The following SLC19A1 variants were observed in gnomAD, a reference collection of about 807,000 sequenced individuals.
SLC19A1 encodes reduced folate transporter.
In SLC19A1, 37 loss-of-function variants were observed where a neutral mutation model predicts 35.3. That is an observed-to-expected ratio of 1.05 (90% confidence interval 0.81 to 1.38). SLC19A1 has a LOEUF of 1.38. Among genes scored for constraint, SLC19A1 ranks in the 40% most tolerant of loss-of-function variants. SLC19A1 has a pLI of 0.00. For missense variants in SLC19A1, 831 were observed against 826.9 expected, an observed-to-expected ratio of 1.00 and a Z score of -0.06; for synonymous variants, 460 against 398.5, an observed-to-expected ratio of 1.15 and a Z score of -1.84.
At chr21:45,505,406 CT>C (rs1568943114) in intron 3 of SLC19A1, 1 of 1,576,472 alleles carries the variant, frequency 6.3e-7, no homozygotes, top group Admixed American at 1.7e-5. Context: ...CCTGGGCCCC[CT>C]GGAACCATGG....
intron 1 of SLC19A1, among the ~76,000 whole-genome samples, chr21:45,553,438 G>T (rs934828363): frequency 2.6e-5 from 4 of 151,960 alleles, no homozygotes; most frequent in Non-Finnish European, 5.9e-5. Flanking sequence ...AGGCCTTGCT[G>T]TTATTATTTT....
At chr21:45,529,251 C>A (rs1172721607) in intron 4 of SLC19A1, among the ~76,000 whole-genome samples, 1 of 152,188 alleles carries the variant, frequency 6.6e-6, no homozygotes, top group African/African-American at 2.4e-5. Context: ...TGGGGAAGTA[C>A]AGGGCCGGGC....
intron 3 of SLC19A1, chr21:45,506,194 G>A (rs989016278): frequency 2.9e-5 from 17 of 586,120 alleles, no homozygotes; most frequent in African/African-American, 1.3e-4. Flanking sequence ...AACACATGGC[G>A]TGTGAGGGGC....
Position 45,512,748 on chromosome 21 carries a change from C to G in SLC19A1, c.*2910G>C, listed in dbSNP as rs1372758141. The G allele has an allele frequency of 2.6e-6, 1 of 382,508 alleles. No homozygotes were observed. Among genetic ancestry groups the G allele is most frequent in the Non-Finnish European group, 4.9e-6 (1 of 202,258 alleles). The allele number at this position is 382,508 out of a possible 1,614,324, so 23.7% of individuals were successfully genotyped here. The stretch of plus-strand genomic sequence containing the variant: ...TTCCTGCTTTGGGAAGCCGTGCTCG[C>G]CCCAGCAGGTGCTGACTTCATCTCC... On this transcript the variant is annotated 3_prime_UTR_variant, in exon 6 of 6. Coordinates refer to ENST00000311124, the MANE Select transcript of SLC19A1 (RefSeq NM_194255.4).
chr21:45,560,480 C>T (rs149860864), intron 1 of SLC19A1, among the ~76,000 whole-genome samples: 24 of 150,044 alleles, frequency 1.6e-4, no homozygotes, highest in Admixed American at 8.1e-4. Context: ...TAATCCACCA[C>T]GCAGCAGGGA....
At position 45,531,428 on chromosome 21, in the gene SLC19A1, C is replaced by T; in HGVS notation, c.910G>A (p.Val304Ile). The T allele has an allele frequency of 6.2e-7, 1 of 1,608,106 alleles. No homozygotes were observed. The highest frequency in any genetic ancestry group is 1.7e-5 in the Admixed American group (1 of 59,648). The change falls in exon 3 of 6, where the codon GTC becomes ATC. Residue 304 changes from valine (V) to isoleucine (I), a missense_variant. By Grantham distance (29) the Val-to-Ile change is conservative. Transcript: ENST00000311124. The part of the protein sequence containing the change: ...EVDPTTNSAR[V>I]YNGAADAAST... The stretch of plus-strand genomic sequence containing the variant: ...GCAGCATCTGCCGCGCCGTTGTAGA[C>T]CCGCGCACTGTTGGTGGTGGGGTCC...
chr21:45,512,524 C>T (rs571271547), downstream of SLC19A1: 449 of 818,424 alleles, frequency 5.5e-4, 1 homozygote, highest in South Asian at 3.4e-3. Flanking sequence ...GTATAGTTCA[C>T]GTTTCATGTA....
At chr21:45,562,561 T>G (rs1384095342) in intron 1 of SLC19A1, among the ~76,000 whole-genome samples, 1 of 152,144 alleles carries the variant, frequency 6.6e-6, no homozygotes, top group Non-Finnish European at 1.5e-5. Flanking sequence ...ACAAACGGGT[T>G]GAGACCTAGA....
chr21:45,525,825 G>A lies in SLC19A1; in HGVS notation c.1285C>T (p.Arg429Cys), dbSNP rs770678515. The stretch of plus-strand genomic sequence containing the variant: ...GCCTGAAATGGGCTCACCTGCTTGC[G>A]GACCGGGAGGCCCAGGCCCCGCACG... ...SDVRGLGLPVRKQFQLYSVYF... is the reference protein window; with the variant it reads ...SDVRGLGLPVCKQFQLYSVYF... Residue 429 changes from arginine (R) to cysteine (C), a missense_variant, in exon 5 of 6, where the codon CGC becomes TGC. By Grantham distance (180) the Arg-to-Cys change is radical. Transcript: ENST00000311124. 1.7e-5 allele frequency: 27 copies of A among 1,613,030 alleles called. No homozygotes were observed. Among genetic ancestry groups the A allele is most frequent in the African/African-American group, 5.3e-5 (4 of 74,926 alleles).
downstream of SLC19A1, among the ~76,000 whole-genome samples, chr21:45,508,063 G>A (rs1473709185): frequency 6.6e-6 from 1 of 151,610 alleles, no homozygotes; most frequent in Non-Finnish European, 1.5e-5. Context: ...GGAGGTGGAT[G>A]GATGAGTAGA....
In SLC19A1 at chr21:45,514,663, T is replaced by C; in HGVS notation, c.*995A>G. ...CTCTCCTGGCCTCCTCACTGACTGC[T>C]GACCCTCAACCCCCAGGCCAGGCCG... is the stretch of plus-strand genomic sequence containing the variant. On this transcript the variant is annotated 3_prime_UTR_variant, in exon 6 of 6. Transcript: ENST00000311124. 3.8e-6 allele frequency: 1 copy of C among 262,814 alleles called. No homozygotes were observed. The highest frequency in any genetic ancestry group is 7.1e-6 in the Non-Finnish European group (1 of 140,030). The allele number at this position is 262,814 out of a possible 1,614,324, so 16.3% of individuals were successfully genotyped here.
upstream of SLC19A1, among the ~76,000 whole-genome samples, chr21:45,549,018 A>G (rs2078439988): frequency 6.6e-6 from 1 of 152,172 alleles, no homozygotes; most frequent in African/African-American, 2.4e-5. Context: ...TTTATGAACC[A>G]CAGTTCCACT....
rs967617617 is a variant in SLC19A1, at chr21:45,514,380, C to G, written c.*1278G>C. 2.0e-5 allele frequency: 3 copies of G among 152,538 alleles called. No homozygotes were observed. Among genetic ancestry groups the G allele is most frequent in the East Asian group, 3.9e-4 (2 of 5,180 alleles). The allele number at this position is 152,538 out of a possible 1,614,324, so 9.4% of individuals were successfully genotyped here. On this transcript the variant is annotated 3_prime_UTR_variant, in exon 6 of 6. Coordinates refer to ENST00000311124, the MANE Select transcript of SLC19A1 (RefSeq NM_194255.4). ...GCCATCTTCCACGTGCAGCCTCTGC[C>G]TCAACCCAGGGTACCCCAAGATGCC...
chr21:45,536,065 G>T, intron 2 of SLC19A1: 2 of 357,360 alleles, frequency 5.6e-6, no homozygotes, highest in East Asian at 1.4e-4. Flanking sequence ...CCAGGAGGGA[G>T]GGCGTGATGA....
At chr21:45,537,719 T>TCTC in intron 2 of SLC19A1, 52 bp downstream of exon 2, 1 of 319,776 alleles carries the variant, frequency 3.1e-6, no homozygotes. Context: ...CAGACGCTGC[T>TCTC]CCCCGCCCAC....
At chr21:45,561,357 C>T (rs952258925) in intron 1 of SLC19A1, among the ~76,000 whole-genome samples, 3 of 152,286 alleles carry the variant, frequency 2.0e-5, no homozygotes, top group East Asian at 1.9e-4. Flanking sequence ...GAACATGTTG[C>T]GTTTGTGCAG....
rs768159982 is a variant in SLC19A1 at position 45,531,390 on chromosome 21, C to CAGCA, written c.944_947dup (p.Gly317AlafsTer78). On this transcript the variant is annotated frameshift_variant and splice_region_variant, in exon 3 of 6. Transcript: ENST00000311124. LOFTEE classifies it high-confidence loss of function. Reference sequence around the variant, plus strand: ...CCTCGGGGACCAGGGCATGCGTACCCAGCAGCGTGGAGGCAGCATCTGCCG... The same window carrying CAGCA: ...CCTCGGGGACCAGGGCATGCGTACCCAGCAAGCAGCGTGGAGGCAGCATCTGCCG... The CAGCA allele has an allele frequency of 3.7e-5, 58 of 1,576,164 alleles. No homozygotes were observed. The highest frequency in any genetic ancestry group is 4.6e-5 in the Non-Finnish European group (53 of 1,159,580).
intron 3 of SLC19A1, chr21:45,505,511 C>G: frequency 1.3e-6 from 1 of 782,790 alleles, no homozygotes; most frequent in Non-Finnish European, 2.2e-6. Context: ...CAGAGACACT[C>G]TCCCACGGAC....
In SLC19A1 at chr21:45,517,477, C is replaced by T. The variant is rs1007415515; in HGVS notation, c.1294-1337G>A. ...ACTGGTTGGTAAAGACACCCACCCT[C>T]ACCCCCAAGGAGTCAGCAGAGACCA... On this transcript the variant is annotated intron_variant, in intron 5 of 5. Transcript: ENST00000311124. The surrounding 1 kb of genome is among the most constrained non-coding windows in gnomAD (Gnocchi z 4.4). Among the ~76,000 whole-genome samples the T allele has an allele frequency of 1.3e-5, 2 of 152,142 alleles. No individual in the cohort carries two copies. The highest frequency in any genetic ancestry group is 2.9e-5 in the Non-Finnish European group (2 of 68,018).
Sources: gnomAD v4.1 joint callset for allele counts (sites outside exome capture counted in the v4.1 genomes callset) on GRCh38, gnomAD v4.1.1 for gene constraint, Gnocchi (gnomAD v3.1) non-coding constraint, MANE v1.5 for transcripts, NCBI Gene and HGNC (gene_info 2026-07-23, HGNC 2026-07-21) for gene names.